The following RBFOX1 variants were observed in gnomAD, a reference collection of about 807,000 sequenced individuals.
The protein encoded by RBFOX1 is RNA binding fox-1 homolog 1, also known as RNA binding protein fox-1 homolog 1.
A neutral mutation model predicts 57.7 loss-of-function variants in RBFOX1; 8 were observed. That is an observed-to-expected ratio of 0.14 (90% CI 0.08 to 0.25). The LOEUF (loss-of-function observed/expected upper bound fraction) is 0.25. RBFOX1 is among the 10% of genes least tolerant of loss of function. The probability of loss-of-function intolerance (pLI) is 1.00; values close to 1 mark genes in which losing one functional copy is unlikely to be tolerated. For missense variants in RBFOX1, 611 were observed against 548.5 expected (o/e 1.11, Z -1.14); for synonymous variants, 326 against 222.4 (o/e 1.47, Z -4.15).
At chr16:7,043,820 C>G (rs1002117388) in intron 3 of RBFOX1, among the ~76,000 whole-genome samples, 4 of 152,206 alleles carry the variant, frequency 2.6e-5, no homozygotes, top group African/African-American at 9.6e-5. Flanking sequence ...GTGTCATATT[C>G]AATTACTGCA....
chr16:6,799,293 C>G (rs953789604), intron 3 of RBFOX1, among the ~76,000 whole-genome samples: 2 of 152,068 alleles, frequency 1.3e-5, no homozygotes, highest in African/African-American at 4.8e-5. Context: ...GGATTGTTGG[C>G]TAGCTGTATT....
At chr16:6,979,405 C>G (rs140818395) in intron 3 of RBFOX1, among the ~76,000 whole-genome samples, 3 of 152,236 alleles carry the variant, frequency 2.0e-5, no homozygotes, top group Non-Finnish European at 2.9e-5. Context: ...GATAGACCCA[C>G]TAAATTAAAG....
intron 4 of RBFOX1, among the ~76,000 whole-genome samples, chr16:7,461,070 T>C (rs1021962714): frequency 5.9e-5 from 9 of 152,220 alleles, no homozygotes; most frequent in Non-Finnish European, 1.0e-4. Flanking sequence ...ATCTTTTGTT[T>C]AGTTAGCTAA....
At chr16:5,326,454 T>C (rs1279840005) in intron 1 of RBFOX1, among the ~76,000 whole-genome samples, 1 of 152,190 alleles carries the variant, frequency 6.6e-6, no homozygotes, top group African/African-American at 2.4e-5. Context: ...GAACAGTGTT[T>C]CTGTTGCATT....
chr16:5,589,992 C>G (rs566101374), intron 2 of RBFOX1, among the ~76,000 whole-genome samples: 2 of 152,162 alleles, frequency 1.3e-5, no homozygotes, highest in South Asian at 2.1e-4. Flanking sequence ...GTTTTCTATT[C>G]CTGCCTCTTG....
At chr16:7,642,509 T>A (rs140741634) in intron 11 of RBFOX1, among the ~76,000 whole-genome samples, 10 of 152,232 alleles carry the variant, frequency 6.6e-5, no homozygotes, top group African/African-American at 2.4e-4. Context: ...AAGAGAACCT[T>A]GGGAAATCCA....
rs60976305 is a variant in RBFOX1, at chr16:7,190,492, AT to A, written c.27+138404del. On this transcript the variant is annotated intron_variant, in intron 4 of 15. Transcript: ENST00000550418. ...AGGTATTTTTACATATCATCCAGGC[AT>A]TTTTTTTTTCTTTCCTGAGTGATAC... 2.3e-3 allele frequency among the ~76,000 whole-genome samples: 343 copies of A among 150,482 alleles called. 3 individuals are homozygous for A. The highest frequency in any genetic ancestry group is 7.6e-3 in the African/African-American group (314 of 41,062).
chr16:7,597,900 C>T lies in RBFOX1; in HGVS notation c.622+469C>T, dbSNP rs563294749. Reference sequence around the variant, plus strand: ...TAGAGTATACCTCATGTCTGAATTCCACAGGGTTAGCAGAATGTGTGAGTG... The same window carrying T: ...TAGAGTATACCTCATGTCTGAATTCTACAGGGTTAGCAGAATGTGTGAGTG... On this transcript the variant is annotated intron_variant, in intron 9 of 15. Coordinates refer to ENST00000550418, the MANE Select transcript of RBFOX1 (RefSeq NM_018723.4). Among the ~76,000 whole-genome samples the T allele has an allele frequency of 3.3e-5, 5 of 152,198 alleles. No homozygotes were observed. The South Asian group carries it at 1.0e-3, about 32-fold the overall frequency.
At chr16:6,623,966 G>C (rs1157835611) in intron 2 of RBFOX1, among the ~76,000 whole-genome samples, 3 of 152,180 alleles carry the variant, frequency 2.0e-5, no homozygotes, top group Non-Finnish European at 2.9e-5. Flanking sequence ...CCAGTAGTGG[G>C]ATTGCTGGGT....
chr16:6,957,242 C>A (rs939831268), intron 3 of RBFOX1, among the ~76,000 whole-genome samples: 1 of 151,726 alleles, frequency 6.6e-6, no homozygotes, highest in Non-Finnish European at 1.5e-5. Flanking sequence ...CGCCATTCTC[C>A]TGCCTCAGCC....
chr16:5,289,143 A>G (rs2063472121), intron 1 of RBFOX1: 1 of 234,296 alleles, frequency 4.3e-6, no homozygotes, highest in Admixed American at 4.2e-5. Flanking sequence ...AAAAAAACAC[A>G]CAACAATAAC....
intron 3 of RBFOX1, among the ~76,000 whole-genome samples, chr16:5,809,587 C>T (rs1410163157): frequency 3.9e-5 from 6 of 152,346 alleles, no homozygotes; most frequent in Admixed American, 1.3e-4. Flanking sequence ...CTCACCATCA[C>T]GGGCCATCAG....
chr16:6,992,336 G>A (rs892290708), intron 3 of RBFOX1, among the ~76,000 whole-genome samples: 6 of 152,044 alleles, frequency 3.9e-5, no homozygotes, highest in African/African-American at 1.4e-4. Context: ...TCCTGCCTCA[G>A]CTTTCCCAGT....
At chr16:6,798,957 G>C (rs1227651330) in intron 3 of RBFOX1, among the ~76,000 whole-genome samples, 1 of 152,090 alleles carries the variant, frequency 6.6e-6, no homozygotes, top group Non-Finnish European at 1.5e-5. Context: ...ATGGCTACTT[G>C]TTACATCTTG....
intron 4 of RBFOX1, among the ~76,000 whole-genome samples, chr16:7,347,398 A>T (rs866746291): frequency 2.6e-5 from 4 of 152,120 alleles, no homozygotes; most frequent in Admixed American, 1.3e-4. Flanking sequence ...TGTTTTTAAA[A>T]TCATCAGGTT....
intron 1 of RBFOX1, among the ~76,000 whole-genome samples, chr16:6,166,037 A>C (rs2096914588): frequency 6.6e-6 from 1 of 152,196 alleles, no homozygotes; most frequent in African/African-American, 2.4e-5. Context: ...AGTGGAGTGG[A>C]AAGTATTCCT....
rs1481528490 is a variant in RBFOX1, at chr16:6,450,816, T to TATAC, written c.-64+133760_-64+133761insTACA. Among the ~76,000 whole-genome samples, 164 of 22,020 alleles carry TATAC rather than the reference T, an allele frequency of 7.4e-3. 15 individuals are homozygous for TATAC. Among genetic ancestry groups the TATAC allele is most frequent in the African/African-American group, 0.034 (160 of 4,768 alleles). The allele number at this position is 22,020 out of a possible 152,430, so 14.4% of individuals were successfully genotyped here. On this transcript the variant is annotated intron_variant, in intron 2 of 15. Transcript: ENST00000550418. ...ATATATATATGTATATATATATATA[T>TATAC]ACATATATATATATATATATGTGTA...
chr16:7,618,007 T>TAA lies in RBFOX1; in HGVS notation c.676+10678_676+10679dup, dbSNP rs35612730. Among the ~76,000 whole-genome samples, 67 of 149,940 alleles carry TAA rather than the reference T, an allele frequency of 4.5e-4. 1 individual carries two copies. The highest frequency in any genetic ancestry group is 8.2e-4 in the Non-Finnish European group (55 of 67,408). On this transcript the variant is annotated intron_variant, in intron 10 of 15. Coordinates refer to ENST00000550418, the MANE Select transcript of RBFOX1 (RefSeq NM_018723.4). Reference sequence around the variant, plus strand: ...ATCTTTAGAATCCATTGAGAAAACTTAAAAAAAAAATACACATGCTTGATC... The same window carrying TAA: ...ATCTTTAGAATCCATTGAGAAAACTTAAAAAAAAAAAATACACATGCTTGATC...
intron 2 of RBFOX1, among the ~76,000 whole-genome samples, chr16:5,512,745 A>G (rs997151551): frequency 3.3e-5 from 5 of 152,232 alleles, no homozygotes; most frequent in African/African-American, 4.8e-5. Flanking sequence ...CACGTTCGTC[A>G]TAACTAACAG....
Sources: allele counts gnomAD v4.1 joint callset (sites outside exome capture counted in the v4.1 genomes callset), GRCh38; gene constraint gnomAD v4.1.1; transcripts MANE v1.5; gene names NCBI Gene and HGNC (gene_info 2026-07-23, HGNC 2026-07-21).